Variants in LRRC2 observed in about 807,000 individuals in gnomAD.
The protein encoded by LRRC2 is leucine rich repeat containing 2.
LRRC2 carries 27 observed loss-of-function variants against 40.2 expected under a neutral mutation model. The observed-to-expected ratio is 0.67, with a 90% CI of 0.49 to 0.93. The LOEUF (loss-of-function observed/expected upper bound fraction) is 0.93, where lower values mean the gene tolerates loss of function less well. Among genes scored for constraint, LRRC2 ranks in the 40% least tolerant of loss-of-function variants. The probability of loss-of-function intolerance (pLI) is 0.00; values close to 1 mark genes in which losing one functional copy is unlikely to be tolerated. For missense variants in LRRC2, 402 were observed against 439.6 expected (o/e 0.91, Z 0.76); for synonymous variants, 147 against 158.9 (o/e 0.92, Z 0.56).
chr3:46,553,749 T>C (rs1704719751), intron 1 of LRRC2, among the ~76,000 whole-genome samples: 1 of 152,154 alleles, frequency 6.6e-6, no homozygotes, highest in Non-Finnish European at 1.5e-5. Flanking sequence ...CAGTCTCCCA[T>C]AGTGCTGGGA....
chr3:46,527,086 G>A (rs1704072291), intron 7 of LRRC2, among the ~76,000 whole-genome samples: 1 of 152,200 alleles, frequency 6.6e-6, no homozygotes, highest in African/African-American at 2.4e-5. Flanking sequence ...GAAGGGTGAA[G>A]CAACCAGGGA....
At position 46,516,473 on chromosome 3, in the gene LRRC2, AT is replaced by A. The variant is rs959413914; in HGVS notation, c.*2540del. On this transcript the variant is annotated 3_prime_UTR_variant, in exon 9 of 9. Transcript: ENST00000395905. The stretch of plus-strand genomic sequence containing the variant: ...GGTTCTTCAGACAGAGAAAATAAAA[AT>A]CACCATACATTTCTACCCCAGATTA... The A allele has an allele frequency of 5.9e-5, 9 of 152,180 alleles. No homozygotes were observed. The highest frequency in any genetic ancestry group is 8.8e-5 in the Non-Finnish European group (6 of 68,028). 9.4% of individuals were successfully genotyped at this position (152,180 alleles called of 1,614,324 possible).
At chr3:46,525,957 T>C (rs1704053729) in intron 7 of LRRC2, among the ~76,000 whole-genome samples, 1 of 151,466 alleles carries the variant, frequency 6.6e-6, no homozygotes, top group Non-Finnish European at 1.5e-5. Flanking sequence ...TTCTTGTTTC[T>C]TTTTTTTTCT....
intron 7 of LRRC2, among the ~76,000 whole-genome samples, chr3:46,524,154 C>G (rs1490300489): frequency 2.0e-5 from 3 of 152,044 alleles, no homozygotes; most frequent in Non-Finnish European, 4.4e-5. Context: ...CTTGGTAATG[C>G]CTTCATATCT....
intron 4 of LRRC2, among the ~76,000 whole-genome samples, chr3:46,537,390 G>A (rs943004185): frequency 1.3e-5 from 2 of 152,122 alleles, no homozygotes; most frequent in African/African-American, 2.4e-5. Context: ...ATGAGCCACC[G>A]CCTCCAGCCT....
At chr3:46,519,342 T>TC (rs1703924915) in intron 8 of LRRC2, among the ~76,000 whole-genome samples, 1 of 152,202 alleles carries the variant, frequency 6.6e-6, no homozygotes, top group Non-Finnish European at 1.5e-5. Context: ...TACATCAAGA[T>TC]CTTGGAAGCT....
At chr3:46,544,303 G>C (rs1051382232) in intron 3 of LRRC2, among the ~76,000 whole-genome samples, 2 of 152,180 alleles carry the variant, frequency 1.3e-5, no homozygotes, top group Admixed American at 1.3e-4. Flanking sequence ...CAGATCACCT[G>C]AGGTCAGGAG....
intron 4 of LRRC2, among the ~76,000 whole-genome samples, chr3:46,535,453 T>C (rs1290903893): frequency 2.0e-5 from 3 of 152,214 alleles, no homozygotes; most frequent in African/African-American, 7.2e-5. Context: ...ATAGAGAGTA[T>C]TAAAGCCTCT....
intron 4 of LRRC2, among the ~76,000 whole-genome samples, chr3:46,535,493 T>A (rs1704254333): frequency 6.6e-6 from 1 of 152,156 alleles, no homozygotes; most frequent in South Asian, 2.1e-4. Flanking sequence ...CTTCCCATAG[T>A]TTAACTCACA....
intron 1 of LRRC2, among the ~76,000 whole-genome samples, chr3:46,554,212 G>C (rs1449634582): frequency 6.6e-6 from 1 of 151,944 alleles, no homozygotes; most frequent in East Asian, 1.9e-4. Context: ...TAGAGATGGT[G>C]GTCCCACTAT....
chr3:46,545,650 C>T (rs994756238), intron 2 of LRRC2, among the ~76,000 whole-genome samples: 1 of 152,208 alleles, frequency 6.6e-6, no homozygotes, highest in Non-Finnish European at 1.5e-5. Flanking sequence ...ATGTCACCAT[C>T]AGCCACCTTG....
chr3:46,553,934 T>G (rs1352485510), intron 1 of LRRC2, among the ~76,000 whole-genome samples: 4 of 152,208 alleles, frequency 2.6e-5, no homozygotes, highest in Non-Finnish European at 4.4e-5. Flanking sequence ...CCTAATTTAT[T>G]CCCTTCTTTC....
intron 2 of LRRC2, among the ~76,000 whole-genome samples, chr3:46,546,862 A>G (rs1704537297): frequency 6.6e-6 from 1 of 151,760 alleles, no homozygotes; most frequent in Non-Finnish European, 1.5e-5. Context: ...GGGATTACAG[A>G]TGCCTGCCAC....
intron 3 of LRRC2, 61 bp from the exon 4 acceptor site, chr3:46,539,262 A>C: frequency 6.7e-7 from 1 of 1,499,484 alleles, no homozygotes; most frequent in Non-Finnish European, 9.1e-7. Context: ...AAGCCGTGTA[A>C]AACCAAGCAT....
chr3:46,540,079 G>A (rs1704352809), intron 3 of LRRC2, among the ~76,000 whole-genome samples: 1 of 152,234 alleles, frequency 6.6e-6, no homozygotes, highest in African/African-American at 2.4e-5. Context: ...AAGGGGAGGT[G>A]GAGGGAGCAA....
In LRRC2 at chr3:46,527,505, TC is replaced by T. The variant is rs1559409503; in HGVS notation, c.849del (p.Lys284SerfsTer5). ...TYLPYSMLNL[K>X]KLTLLVVSGD... ...CCACTGACGACTAACAGAGTGAGCTTCTTCAGGTTCAGCATGGAATAGGGAA... is the reference window on the plus strand; with the variant it reads ...CCACTGACGACTAACAGAGTGAGCTTTTCAGGTTCAGCATGGAATAGGGAA... On this transcript the variant is annotated frameshift_variant, in exon 7 of 9. Transcript: ENST00000395905. LOFTEE classifies it high-confidence loss of function. 6.2e-7 allele frequency: 1 copy of T among 1,613,990 alleles called. No homozygotes were observed. The highest frequency in any genetic ancestry group is 8.5e-7 in the Non-Finnish European group (1 of 1,179,900).
chr3:46,539,694 C>T (rs532160442), intron 3 of LRRC2, among the ~76,000 whole-genome samples: 2 of 152,314 alleles, frequency 1.3e-5, no homozygotes, highest in South Asian at 2.1e-4. Flanking sequence ...TCAGCTGGGA[C>T]ACCTGAGTTC....
intron 3 of LRRC2, among the ~76,000 whole-genome samples, chr3:46,540,524 CA>C (rs757946336): frequency 0.081 from 7,042 of 87,194 alleles, 481 homozygotes; most frequent in African/African-American, 0.24. Context: ...GACTCCATCT[CA>C]AAAAAAAAAA....
intron 8 of LRRC2, 115 bp downstream of exon 8, chr3:46,521,407 T>C: frequency 1.4e-6 from 1 of 709,934 alleles, no homozygotes; most frequent in Non-Finnish European, 2.3e-6. Flanking sequence ...ATTTACGAAG[T>C]AACGTGCCCC....
Sources: allele counts gnomAD v4.1 joint callset (sites outside exome capture counted in the v4.1 genomes callset), GRCh38; gene constraint gnomAD v4.1.1; transcripts MANE v1.5; gene names NCBI Gene and HGNC (gene_info 2026-07-23, HGNC 2026-07-21).